Variants in BEND5 observed in about 807,000 individuals in gnomAD.
The protein encoded by BEND5 is BEN domain-containing protein 5.
BEND5 carries 22 observed loss-of-function variants against 43.9 expected under a neutral mutation model. That is an observed-to-expected ratio of 0.50 (90% CI 0.36 to 0.72). The LOEUF (loss-of-function observed/expected upper bound fraction) is 0.72. BEND5 is among the 30% of genes least tolerant of loss of function. The pLI, the probability that BEND5 is intolerant of heterozygous loss-of-function variation, is 0.00. For synonymous variants in BEND5, 228 were observed against 225.9 expected, an observed-to-expected ratio of 1.01 and a Z score of -0.08; for missense variants, 428 against 550.6, an observed-to-expected ratio of 0.78 and a Z score of 2.23.
chr1:48,762,581 C>T (rs1054851893), intron 1 of BEND5, among the ~76,000 whole-genome samples: 3 of 149,136 alleles, frequency 2.0e-5, no homozygotes, highest in Non-Finnish European at 4.4e-5. Flanking sequence ...AGCATATGGC[C>T]AGGTAGTTAG....
intron 4 of BEND5, among the ~76,000 whole-genome samples, chr1:48,740,781 C>A (rs1649796530): frequency 6.6e-6 from 1 of 152,136 alleles, no homozygotes; most frequent in Admixed American, 6.5e-5. Flanking sequence ...GACAGCAGAG[C>A]CAAGAACAAT....
At chr1:48,733,895 A>T (rs1264839063) in intron 5 of BEND5, among the ~76,000 whole-genome samples, 1 of 152,216 alleles carries the variant, frequency 6.6e-6, no homozygotes, top group Non-Finnish European at 1.5e-5. Flanking sequence ...GAGATGAATC[A>T]GATACAGTCC....
intron 2 of BEND5, among the ~76,000 whole-genome samples, chr1:48,759,936 A>G (rs1219981949): frequency 6.6e-6 from 1 of 152,204 alleles, no homozygotes; most frequent in Non-Finnish European, 1.5e-5. Context: ...ACTCAACTGA[A>G]AAGTTCAAAG....
At chr1:48,747,114 TC>T (rs1650890689) in intron 3 of BEND5, among the ~76,000 whole-genome samples, 1 of 152,224 alleles carries the variant, frequency 6.6e-6, no homozygotes, top group Admixed American at 6.5e-5. Flanking sequence ...GGCATTGTTC[TC>T]CCTCAAACAC....
chr1:48,759,138 G>A lies in BEND5; in HGVS notation c.507C>T (p.Asp169=). The change falls in exon 3 of 6, where the codon GAC becomes GAT. Residue 169 remains aspartate (D), a synonymous_variant. Transcript: ENST00000371833. ...CCACAGCATCTTCTAGACTGTCCAT[G>A]TCCTCTGTGCCTGGCGAGGCCTCCA... ...VFVEASPGTE[D]MDSLEDAVVP... 2 of 1,613,988 alleles carry A rather than the reference G, an allele frequency of 1.2e-6. No homozygotes were observed. Among genetic ancestry groups the A allele is most frequent in the Non-Finnish European group, 1.7e-6 (2 of 1,179,956 alleles).
At chr1:48,754,335 A>T (rs1652200328) in intron 3 of BEND5, among the ~76,000 whole-genome samples, 1 of 152,146 alleles carries the variant, frequency 6.6e-6, no homozygotes, top group Non-Finnish European at 1.5e-5. Context: ...GTTTAAACAC[A>T]CCATTCTAAT....
chr1:48,747,088 T>C (rs1650888049), intron 3 of BEND5, among the ~76,000 whole-genome samples: 2 of 152,234 alleles, frequency 1.3e-5, no homozygotes, highest in Non-Finnish European at 2.9e-5. Context: ...CTGTTTTGCT[T>C]TTAAAAAATT....
chr1:48,754,928 C>T (rs1255701933), intron 3 of BEND5, among the ~76,000 whole-genome samples: 2 of 152,146 alleles, frequency 1.3e-5, no homozygotes, highest in African/African-American at 4.8e-5. Context: ...AAGCCAGTGA[C>T]ACTTTTTGGG....
intron 5 of BEND5, among the ~76,000 whole-genome samples, chr1:48,731,924 T>C (rs1648202161): frequency 6.6e-6 from 1 of 151,922 alleles, no homozygotes. Context: ...GGTTACATAA[T>C]GGAGAGAGGA....
chr1:48,774,150 G>C (rs992210015), intron 1 of BEND5, among the ~76,000 whole-genome samples: 6 of 152,228 alleles, frequency 3.9e-5, no homozygotes, highest in African/African-American at 1.4e-4. Context: ...GTGTCAGAGA[G>C]ATTAATTAAT....
intron 5 of BEND5, among the ~76,000 whole-genome samples, chr1:48,728,439 T>C (rs1647548794): frequency 6.6e-6 from 1 of 152,076 alleles, no homozygotes; most frequent in African/African-American, 2.4e-5. Flanking sequence ...ATTTTCCATT[T>C]TCAATCTTTT....
At position 48,776,876 on chromosome 1, in the gene BEND5, G is replaced by A. The variant is rs1346169753; in HGVS notation, c.-45C>T. On this transcript the variant is annotated 5_prime_UTR_variant, in exon 1 of 6. Transcript: ENST00000371833. Reference sequence around the variant, plus strand: ...CCCCGGTCGGGCAGCTCAGCCCGCGGGGCGGGCGCGGAGGTGGGGATCCGG... The same window carrying A: ...CCCCGGTCGGGCAGCTCAGCCCGCGAGGCGGGCGCGGAGGTGGGGATCCGG... 2 of 1,362,784 alleles carry A rather than the reference G, an allele frequency of 1.5e-6. No individual in the cohort carries two copies. The highest frequency in any genetic ancestry group is 2.0e-6 in the Non-Finnish European group (2 of 1,023,730). The allele number at this position is 1,362,784 out of a possible 1,614,324, so 84.4% of individuals were successfully genotyped here. A position where few individuals can be genotyped will look rare whatever the true frequency, so the allele number is the denominator to read the frequency against.
intron 2 of BEND5, 186 bp downstream of exon 2, chr1:48,761,151 C>A (rs2148661717): frequency 1.6e-6 from 1 of 615,998 alleles, no homozygotes; most frequent in East Asian, 3.0e-5. Context: ...TCAGGGCTCT[C>A]TAGAAAGTTG....
rs545585743 is a variant in BEND5 at position 48,773,433 on chromosome 1, G to T, written c.226+3173C>A. Among the ~76,000 whole-genome samples, 13 of 152,218 alleles carry T rather than the reference G, an allele frequency of 8.5e-5. No homozygotes were observed. The South Asian group carries it at 2.5e-3, about 29-fold the overall frequency. On this transcript the variant is annotated intron_variant, in intron 1 of 5. Coordinates refer to ENST00000371833, the MANE Select transcript of BEND5 (RefSeq NM_024603.4). ...TGAGTTATGTGGACCCTCCAAGAGGGACAGCCTTAGTGAAGATTTATTCAA... is the reference window on the plus strand; with the variant it reads ...TGAGTTATGTGGACCCTCCAAGAGGTACAGCCTTAGTGAAGATTTATTCAA...
intron 3 of BEND5, among the ~76,000 whole-genome samples, chr1:48,748,395 G>T (rs552617620): frequency 3.3e-5 from 5 of 152,326 alleles, no homozygotes; most frequent in African/African-American, 1.2e-4. Flanking sequence ...TGCCAGCCCT[G>T]TGCTAGGTGG....
chr1:48,761,105 G>C (rs1012117613), intron 2 of BEND5: 1 of 493,022 alleles, frequency 2.0e-6, no homozygotes. Flanking sequence ...TGCACAGACT[G>C]TGCAAACAGG....
chr1:48,757,700 T>C (rs527964275), intron 3 of BEND5, among the ~76,000 whole-genome samples: 1 of 152,198 alleles, frequency 6.6e-6, no homozygotes, highest in Non-Finnish European at 1.5e-5. Flanking sequence ...CCTACAAATA[T>C]AAGTAAATTA....
chr1:48,742,890 C>T (rs1650136195), intron 3 of BEND5, 119 bp from the exon 4 acceptor site: 2 of 963,834 alleles, frequency 2.1e-6, no homozygotes, highest in South Asian at 2.2e-5. Context: ...TATTTTTGTC[C>T]ATTGAACTAC....
chr1:48,768,173 C>T (rs1052755034), intron 1 of BEND5, among the ~76,000 whole-genome samples: 2 of 6,970 alleles, frequency 2.9e-4, no homozygotes, highest in Non-Finnish European at 0.02. Context: ...CTAAAAGGCA[C>T]ATGTAACATG....
Sources: gnomAD v4.1 joint callset for allele counts (sites outside exome capture counted in the v4.1 genomes callset) on GRCh38, gnomAD v4.1.1 for gene constraint, MANE v1.5 for transcripts, NCBI Gene and HGNC (gene_info 2026-07-23, HGNC 2026-07-21) for gene names.